The following IGBP1 variants were observed in gnomAD, a reference collection of about 807,000 sequenced individuals.
IGBP1 encodes the protein immunoglobulin-binding protein 1.
In IGBP1, 2 loss-of-function variants were observed where a neutral mutation model predicts 25.9. That is an observed-to-expected ratio of 0.08 (90% CI 0.03 to 0.24). IGBP1 has a LOEUF of 0.24. IGBP1 is among the 10% of genes least tolerant of loss of function. The probability of loss-of-function intolerance (pLI) is 1.00; values close to 1 mark genes in which losing one functional copy is unlikely to be tolerated. For missense variants in IGBP1, 187 were observed against 260.4 expected (o/e 0.72, Z 1.94); for synonymous variants, 96 against 93.4 (o/e 1.03, Z -0.16).
intron 3 of IGBP1, among the ~76,000 whole-genome samples, chrX:70,136,698 TTTATTATTATTATTA>T (rs58340348): frequency 1.0e-5 from 1 of 98,009 alleles, no homozygotes; most frequent in African/African-American, 4.3e-5. Context: ...TTCTTTTTTC[TTTATTATTATTATTA>T]TTATTATTAT....
intron 4 of IGBP1, 92 bp from the exon 5 acceptor site, chrX:70,148,669 C>A: frequency 1.7e-6 from 1 of 600,214 alleles, no homozygotes; most frequent in Non-Finnish European, 2.8e-6. Context: ...ATTTTGAATC[C>A]AGAGCTTTTC....
rs749522628 is a variant in IGBP1 at position 70,142,445 on chromosome X, G to C, written c.483-4188G>C. On this transcript the variant is annotated intron_variant, in intron 3 of 6. Coordinates refer to ENST00000356413, the MANE Select transcript of IGBP1 (RefSeq NM_001551.3). Reference sequence around the variant, plus strand: ...GTGAAAAACTAGCTGCTAATGACCAGGAGGATGATCAATAAATAGAGTGAG... The same window carrying C: ...GTGAAAAACTAGCTGCTAATGACCACGAGGATGATCAATAAATAGAGTGAG... Among the ~76,000 whole-genome samples, 3 of 111,631 alleles carry C rather than the reference G, an allele frequency of 2.7e-5. No homozygotes were observed. In the East Asian group the frequency reaches 8.5e-4, roughly 32 times the overall value.
At chrX:70,152,957 G>T (rs2085212770) in intron 6 of IGBP1, among the ~76,000 whole-genome samples, 1 of 112,136 alleles carries the variant, frequency 8.9e-6, no homozygotes, top group Non-Finnish European at 1.9e-5. Context: ...CCAAGATTCA[G>T]AAATGTCAGC....
chrX:70,139,762 C>T (rs188758028), intron 3 of IGBP1, among the ~76,000 whole-genome samples: 117 of 111,938 alleles, frequency 1.0e-3, no homozygotes, highest in Admixed American at 4.3e-3. Context: ...TTCTATTTCT[C>T]TCCATCTCCA....
chrX:70,160,107 C>A (rs1197218248), intron 6 of IGBP1, among the ~76,000 whole-genome samples: 1 of 111,006 alleles, frequency 9.0e-6, no homozygotes, highest in Admixed American at 9.5e-5. Flanking sequence ...TCCCAGCTGC[C>A]CCCCTGGGCC....
rs763010089 is a variant in IGBP1, at chrX:70,133,803, G to A, written c.-145G>A. 92 of 509,546 alleles carry A rather than the reference G, an allele frequency of 1.8e-4. No individual in the cohort carries two copies. The highest frequency in any genetic ancestry group is 2.7e-4 in the Non-Finnish European group (83 of 305,131). 42.0% of individuals were successfully genotyped at this position (509,546 alleles called of 1,213,427 possible). A position where few individuals can be genotyped will look rare whatever the true frequency, so the allele number is the denominator to read the frequency against. On this transcript the variant is annotated 5_prime_UTR_variant, in exon 2 of 7. Coordinates refer to ENST00000356413, the MANE Select transcript of IGBP1 (RefSeq NM_001551.3). ...CAGGGCCGGCTAACAGCGGCTCCCG[G>A]AAGTCCTTTGATGCTTTGTTAACAG...
Position 70,133,869 on chromosome X carries a change from C to A in IGBP1, c.-79C>A. The stretch of plus-strand genomic sequence containing the variant: ...AATGAGGTGCTTCTTCCGGTTTTGT[C>A]CGCGCTCGCCTAATTCTTCTTTATC... On this transcript the variant is annotated 5_prime_UTR_variant, in exon 2 of 7. Coordinates refer to ENST00000356413, the MANE Select transcript of IGBP1 (RefSeq NM_001551.3). 2 of 945,254 alleles carry A rather than the reference C, an allele frequency of 2.1e-6. No homozygotes were observed. The highest frequency in any genetic ancestry group is 3.0e-6 in the Non-Finnish European group (2 of 671,236). The allele number at this position is 945,254 out of a possible 1,213,427, so 77.9% of individuals were successfully genotyped here.
chrX:70,142,657 A>G (rs960983661), intron 3 of IGBP1, among the ~76,000 whole-genome samples: 1 of 109,704 alleles, frequency 9.1e-6, no homozygotes, highest in Non-Finnish European at 1.9e-5. Context: ...CGTCTCTACA[A>G]AAAAATTAAA....
intron 3 of IGBP1, among the ~76,000 whole-genome samples, chrX:70,141,055 CAGTA>C (rs1291573054): frequency 1.8e-5 from 2 of 110,905 alleles, no homozygotes; most frequent in African/African-American, 6.6e-5. Flanking sequence ...ATCAGAAACT[CAGTA>C]AGGTGGCTGG....
rs762859476 is a variant in IGBP1, at chrX:70,165,928, G to A, written c.967G>A (p.Asp323Asn). ...QTLHRAREWD[D>N]WKDTHPRGYG... ...ACTCCACAGAGCCCGGGAGTGGGAT[G>A]ACTGGAAGGACACCCATCCTAGGGG... is the stretch of plus-strand genomic sequence containing the variant. Residue 323 changes from aspartate to asparagine, a missense_variant, in exon 7 of 7, where the codon GAC (aspartate) becomes AAC (asparagine). Asp to Asn is a conservative substitution (Grantham distance 23, BLOSUM62 1). Coordinates refer to ENST00000356413, the MANE Select transcript of IGBP1 (RefSeq NM_001551.3). The A allele has an allele frequency of 8.3e-7, 1 of 1,209,818 alleles. No individual in the cohort carries two copies. Among genetic ancestry groups the A allele is most frequent in the Non-Finnish European group, 1.1e-6 (1 of 893,970 alleles).
At chrX:70,144,858 C>T (rs1181960283) in intron 3 of IGBP1, among the ~76,000 whole-genome samples, 4 of 107,005 alleles carry the variant, frequency 3.7e-5, no homozygotes, top group Non-Finnish European at 7.7e-5. Flanking sequence ...TGGGGTTTCA[C>T]CATGTTGGCC....
chrX:70,151,835 GCCACTGCACTCCA>G (rs1335238944), intron 6 of IGBP1, among the ~76,000 whole-genome samples: 1 of 111,136 alleles, frequency 9.0e-6, no homozygotes, highest in Non-Finnish European at 1.9e-5. Context: ...CCAAGATCAC[GCCACTGCACTCCA>G]GCCTGGGTGA....
intron 5 of IGBP1, 148 bp from the exon 6 acceptor site, chrX:70,150,062 A>G (rs2085192748): frequency 1.9e-6 from 1 of 513,261 alleles, no homozygotes; most frequent in Non-Finnish European, 3.5e-6. Context: ...ATGAGTTTGT[A>G]CAACTCCTCA....
intron 6 of IGBP1, among the ~76,000 whole-genome samples, chrX:70,163,036 G>T (rs772006312): frequency 1.8e-5 from 2 of 110,087 alleles, no homozygotes; most frequent in African/African-American, 6.6e-5. Context: ...AAATCTCTAA[G>T]TTCATAATTA....
chrX:70,153,875 G>A (rs1324712673), intron 6 of IGBP1, among the ~76,000 whole-genome samples: 2 of 110,883 alleles, frequency 1.8e-5, no homozygotes, highest in Non-Finnish European at 3.8e-5. Context: ...AATGATCTGA[G>A]AATGACCAAA....
At chrX:70,144,004 A>G (rs929035930) in intron 3 of IGBP1, among the ~76,000 whole-genome samples, 1 of 112,246 alleles carries the variant, frequency 8.9e-6, no homozygotes, top group African/African-American at 3.2e-5. Flanking sequence ...CCTGGCCAAC[A>G]TGGCAAAACC....
chrX:70,159,380 A>G (rs773961915), intron 6 of IGBP1, among the ~76,000 whole-genome samples: 12 of 112,059 alleles, frequency 1.1e-4, no homozygotes, highest in Non-Finnish European at 1.7e-4. Context: ...AGTTAATATT[A>G]AGGAAAGTTT....
At chrX:70,148,501 C>T in intron 4 of IGBP1, 1 of 346,896 alleles carries the variant, frequency 2.9e-6, no homozygotes, top group East Asian at 5.5e-5. Flanking sequence ...TATTTTAAAG[C>T]CGAGTAATTT....
Position 70,153,780 on chromosome X carries a change from A to T in IGBP1, c.871+3458A>T, listed in dbSNP as rs186723461. Among the ~76,000 whole-genome samples the T allele has an allele frequency of 5.4e-5, 6 of 111,954 alleles. No individual in the cohort carries two copies. The East Asian group carries it at 1.7e-3, about 31-fold the overall frequency. On this transcript the variant is annotated intron_variant, in intron 6 of 6. Transcript: ENST00000356413. ...CTTCTGGAAGCTTGGATGGGACTAGATAATTCACTGCCAAGCTCATCGATG... is the reference window on the plus strand; with the variant it reads ...CTTCTGGAAGCTTGGATGGGACTAGTTAATTCACTGCCAAGCTCATCGATG...
Sources: gnomAD v4.1 joint callset for allele counts (sites outside exome capture counted in the v4.1 genomes callset) on GRCh38, gnomAD v4.1.1 for gene constraint, MANE v1.5 for transcripts, NCBI Gene and HGNC (gene_info 2026-07-23, HGNC 2026-07-21) for gene names.